The following SEC14L1 variants were observed in gnomAD, a reference collection of about 807,000 sequenced individuals.
SEC14L1 encodes SEC14-like protein 1.
SEC14L1 carries 48 observed loss-of-function variants against 85.3 expected under a neutral mutation model. The ratio of observed to expected loss-of-function variants is 0.56; its 90% confidence interval spans 0.45 to 0.72. The LOEUF (loss-of-function observed/expected upper bound fraction) is 0.72, where lower values mean the gene tolerates loss of function less well. SEC14L1 is among the 30% of genes least tolerant of loss of function. The pLI, the probability that SEC14L1 is intolerant of heterozygous loss-of-function variation, is 0.00. For synonymous variants in SEC14L1, 391 were observed against 355.5 expected, an observed-to-expected ratio of 1.10 and a Z score of -1.12; for missense variants, 682 against 921.4, an observed-to-expected ratio of 0.74 and a Z score of 3.36.
Position 77,191,304 on chromosome 17 carries a change from T to C in SEC14L1, c.337T>C (p.Cys113Arg). The C allele has an allele frequency of 6.2e-7, 1 of 1,614,200 alleles. No homozygotes were observed. Among genetic ancestry groups the C allele is most frequent in the Non-Finnish European group, 8.5e-7 (1 of 1,180,014 alleles). The change falls in exon 5 of 17, where the codon TGC (cysteine) becomes CGC (arginine). Residue 113 changes from cysteine to arginine, a missense_variant. Physicochemically the swap from Cys to Arg is radical, Grantham distance 180. Around this residue, in one of 3 missense-constraint regions of SEC14L1, gnomAD observed 139 missense variants for 201.3 expected, o/e 0.69. Transcript: ENST00000436233. ...SNRVIINEHC[C>R]YTVHPENEDW... ...TCGGGTCATCATTAATGAGCATTGC[T>C]GCTACACCGTGAGTAATCTGTCACT...
chr17:77,199,979 G>T (rs929385484), intron 8 of SEC14L1, among the ~76,000 whole-genome samples: 4 of 152,154 alleles, frequency 2.6e-5, no homozygotes, highest in African/African-American at 9.7e-5. Context: ...GACCAGCCTG[G>T]GCAACATGGG....
At chr17:77,146,568 G>A (rs905451403) in intron 3 of SEC14L1, among the ~76,000 whole-genome samples, 4 of 151,970 alleles carry the variant, frequency 2.6e-5, no homozygotes, top group African/African-American at 9.7e-5. Context: ...TTCTGAGGTA[G>A]TGGTTAATTT....
At chr17:77,211,670 C>T (rs1459726704) in intron 14 of SEC14L1, 1 of 462,670 alleles carries the variant, frequency 2.2e-6, no homozygotes, top group Non-Finnish European at 4.0e-6. Flanking sequence ...TAAGACCTGG[C>T]CTCTTAGAGT....
intron 3 of SEC14L1, among the ~76,000 whole-genome samples, chr17:77,149,427 C>G (rs1331507750): frequency 6.6e-6 from 1 of 152,150 alleles, no homozygotes; most frequent in East Asian, 1.9e-4. Context: ...TGGCGCCTGT[C>G]TGTAGTGCAG....
intron 3 of SEC14L1, among the ~76,000 whole-genome samples, chr17:77,158,695 T>G (rs1306342984): frequency 2.0e-5 from 3 of 152,022 alleles, no homozygotes; most frequent in African/African-American, 7.2e-5. Context: ...CACATTCTGC[T>G]CATCCATTGA....
intron 8 of SEC14L1, among the ~76,000 whole-genome samples, chr17:77,197,281 G>A (rs1020638802): frequency 6.6e-6 from 1 of 152,168 alleles, no homozygotes; most frequent in Non-Finnish European, 1.5e-5. Flanking sequence ...ACATGGCCAC[G>A]GAGGAAGACA....
intron 2 of SEC14L1, 30 bp from the exon 3 acceptor site, chr17:77,143,537 T>C (rs1156244999): frequency 7.2e-7 from 1 of 1,384,522 alleles, no homozygotes; most frequent in African/African-American, 1.4e-5. Flanking sequence ...TGCATTGTGG[T>C]TACTTATCAC....
At chr17:77,152,535 CAAAAAA>C (rs11295576) in intron 3 of SEC14L1, 2 of 108,352 alleles carry the variant, frequency 1.8e-5, no homozygotes, top group African/African-American at 3.4e-5. Flanking sequence ...GACTCCGTCT[CAAAAAA>C]AAAAAAAAAA....
intron 3 of SEC14L1, among the ~76,000 whole-genome samples, chr17:77,131,028 C>T (rs1972595429): frequency 6.6e-6 from 1 of 152,158 alleles, no homozygotes; most frequent in South Asian, 2.1e-4. Context: ...CGATGGTACC[C>T]AAGCAACTTA....
intron 3 of SEC14L1, among the ~76,000 whole-genome samples, chr17:77,111,038 C>A (rs1292655638): frequency 2.0e-5 from 3 of 150,024 alleles, no homozygotes; most frequent in African/African-American, 4.9e-5. Context: ...TGCAAAAATA[C>A]AAAAATTAGC....
chr17:77,135,412 C>A (rs1161296008), intron 3 of SEC14L1, among the ~76,000 whole-genome samples: 1 of 152,222 alleles, frequency 6.6e-6, no homozygotes, highest in African/African-American at 2.4e-5. Context: ...CTCCATAGCA[C>A]TGTCCCTATT....
At position 77,215,573 on chromosome 17, in the gene SEC14L1, G is replaced by A. The variant is rs1976996388; in HGVS notation, c.*1550G>A. ...GACCGAGCAGCCCTCTTGCCCGGTC[G>A]GGTCAGCCCTAGTGGCTGCCTGCAC... On this transcript the variant is annotated 3_prime_UTR_variant, in exon 17 of 17. Coordinates refer to ENST00000436233, the MANE Select transcript of SEC14L1 (RefSeq NM_001143998.2). 3.0e-6 allele frequency: 3 copies of A among 986,590 alleles called. No homozygotes were observed. The highest frequency in any genetic ancestry group is 9.3e-5 in the South Asian group (2 of 21,570). The allele number at this position is 986,590 out of a possible 1,614,324, so 61.1% of individuals were successfully genotyped here.
chr17:77,096,354 C>T (rs1053132015), intron 3 of SEC14L1, among the ~76,000 whole-genome samples: 1 of 144,592 alleles, frequency 6.9e-6, no homozygotes, highest in East Asian at 2.3e-4. Context: ...GTCAAGAGTT[C>T]GAGACCAGCC....
chr17:77,149,986 T>C (rs1241832822), intron 3 of SEC14L1, among the ~76,000 whole-genome samples: 3 of 152,138 alleles, frequency 2.0e-5, no homozygotes, highest in Non-Finnish European at 2.9e-5. Context: ...GTATAGGTTT[T>C]GTTTTTGTTT....
chr17:77,161,494 T>C (rs1974049511), intron 3 of SEC14L1, among the ~76,000 whole-genome samples: 1 of 151,608 alleles, frequency 6.6e-6, no homozygotes, highest in Admixed American at 6.6e-5. Context: ...TGATACTCTA[T>C]CTCAAAAAAA....
At chr17:77,119,594 G>A (rs1464254160) in intron 3 of SEC14L1, among the ~76,000 whole-genome samples, 3 of 152,106 alleles carry the variant, frequency 2.0e-5, no homozygotes, top group South Asian at 2.1e-4. Context: ...TCCACCTACA[G>A]GATCAAAGAG....
intron 9 of SEC14L1, 117 bp from the exon 10 acceptor site, chr17:77,203,453 A>G (rs1222323706): frequency 8.7e-6 from 7 of 808,908 alleles, no homozygotes; most frequent in Non-Finnish European, 1.2e-5. Flanking sequence ...AATCAGAAAG[A>G]CTTTTAAGCG....
In SEC14L1 at chr17:77,206,809, C is replaced by T; in HGVS notation, c.1423C>T (p.Leu475=). 6.2e-7 allele frequency: 1 copy of T among 1,612,586 alleles called. No individual in the cohort carries two copies. The highest frequency in any genetic ancestry group is 8.5e-7 in the Non-Finnish European group (1 of 1,179,598). The change falls in exon 13 of 17, where the codon CTG becomes TTG. Residue 475 remains leucine (L), a synonymous_variant. Transcript: ENST00000436233. This position sits in a 1 kb window ranked among gnomAD's most constrained non-coding sequence, Gnocchi z 4.3. ...GNDYQGPGGL[L]DYIDKEIIPD... Reference sequence around the variant, plus strand: ...TGACTACCAGGGTCCTGGAGGCCTGCTGGATTACATCGACAAAGAGATTAT... The same window carrying T: ...TGACTACCAGGGTCCTGGAGGCCTGTTGGATTACATCGACAAAGAGATTAT...
chr17:77,214,605 C>T lies in SEC14L1; in HGVS notation c.*582C>T, dbSNP rs752832815. ...TACCTTGTCCCAGGGCCAGACACACCCACACCACCCACTGTCCTGCAGTGG... is the reference window on the plus strand; with the variant it reads ...TACCTTGTCCCAGGGCCAGACACACTCACACCACCCACTGTCCTGCAGTGG... On this transcript the variant is annotated 3_prime_UTR_variant, in exon 17 of 17. Transcript: ENST00000436233. 1 of 986,932 alleles carries T rather than the reference C, an allele frequency of 1.0e-6. No individual in the cohort carries two copies. The highest frequency in any genetic ancestry group is 1.2e-6 in the Non-Finnish European group (1 of 831,046). 61.1% of individuals were successfully genotyped at this position (986,932 alleles called of 1,614,324 possible).
Sources: gnomAD v4.1 joint callset for allele counts (sites outside exome capture counted in the v4.1 genomes callset) on GRCh38, gnomAD v4.1.1 for gene constraint, gnomAD v4.1.1 regional missense constraint, Gnocchi (gnomAD v3.1) non-coding constraint, MANE v1.5 for transcripts, NCBI Gene and HGNC (gene_info 2026-07-23, HGNC 2026-07-21) for gene names.